Variants in CAPN13 observed in about 807,000 individuals in gnomAD.
CAPN13 encodes calpain-13.
Under a neutral mutation model 98.4 loss-of-function variants are expected in CAPN13, and 90 were observed. The observed-to-expected ratio is 0.92, with a 90% CI of 0.77 to 1.09. CAPN13 has a LOEUF of 1.09. Among genes scored for constraint, CAPN13 ranks in the 50% least tolerant of loss-of-function variants. The pLI is 0.00. For synonymous variants in CAPN13, 330 were observed against 305.5 expected (o/e 1.08, Z -0.84); for missense variants, 887 against 841.3 (o/e 1.05, Z -0.67).
At chr2:30,738,357 C>G (rs897202964) in intron 16 of CAPN13, 43 bp downstream of exon 16, 2 of 1,612,040 alleles carry the variant, frequency 1.2e-6, no homozygotes, top group Non-Finnish European at 1.7e-6. Context: ...GGGTTGCCAG[C>G]AGGGAGGAGG....
At chr2:30,792,381 C>A (rs374392501) in intron 1 of CAPN13, among the ~76,000 whole-genome samples, 2 of 152,082 alleles carry the variant, frequency 1.3e-5, no homozygotes, top group Non-Finnish European at 2.9e-5. Flanking sequence ...GGGGTTATCA[C>A]CACACATCCT....
Position 30,738,151 on chromosome 2 carries a change from C to T in CAPN13, c.1653+84G>A, listed in dbSNP as rs1671468323. On this transcript the variant is annotated intron_variant, in intron 17 of 22. Coordinates refer to ENST00000295055, the MANE Select transcript of CAPN13 (RefSeq NM_144575.3). ...GAAAATACTGAGTGGGAAAAGGGTT[C>T]CCTACTGTCCTAATTAGGTCTCTGG... The T allele has an allele frequency of 2.8e-6, 4 of 1,447,352 alleles. No homozygotes were observed. The South Asian group carries it at 3.5e-5, about 13-fold the overall frequency. The allele number at this position is 1,447,352 out of a possible 1,614,324, so 89.7% of individuals were successfully genotyped here.
At chr2:30,777,260 G>A (rs1387601144) in intron 3 of CAPN13, among the ~76,000 whole-genome samples, 1 of 152,232 alleles carries the variant, frequency 6.6e-6, no homozygotes, top group Non-Finnish European at 1.5e-5. Flanking sequence ...CTAACTGAGT[G>A]TGTGACATTA....
chr2:30,743,692 T>A, intron 12 of CAPN13, 113 bp from the exon 13 acceptor site: 1 of 902,718 alleles, frequency 1.1e-6, no homozygotes, highest in Non-Finnish European at 1.8e-6. Context: ...AAGATAACAT[T>A]ACAGGCTCTA....
At chr2:30,780,640 T>C (rs1301870589) in intron 2 of CAPN13, among the ~76,000 whole-genome samples, 1 of 152,214 alleles carries the variant, frequency 6.6e-6, no homozygotes, top group Non-Finnish European at 1.5e-5. Context: ...CACAAATCAA[T>C]AGTCAACTTC....
At chr2:30,768,694 C>CTTCCTTCCTTCCTTCCTTCCTTCT in intron 5 of CAPN13, among the ~76,000 whole-genome samples, 1 of 151,430 alleles carries the variant, frequency 6.6e-6, no homozygotes, top group African/African-American at 2.4e-5. Context: ...TCCTTCCTTC[C>CTTCCTTCCTTCCTTCCTTCCTTCT]TTCCTTCCTT....
chr2:30,771,841 G>C (rs1673427765), intron 4 of CAPN13, among the ~76,000 whole-genome samples: 1 of 152,240 alleles, frequency 6.6e-6, no homozygotes, highest in African/African-American at 2.4e-5. Context: ...GGCAGTAAGA[G>C]TAGGAACTGC....
At position 30,731,396 on chromosome 2, in the gene CAPN13, G is replaced by T. The variant is rs767261292; in HGVS notation, c.1931C>A (p.Thr644Asn). Residue 644 changes from threonine to asparagine, a missense_variant, in exon 21 of 23, where the codon ACC (threonine) becomes AAC (asparagine). Physicochemically the swap from Thr to Asn is moderately conservative, Grantham distance 65 (BLOSUM62 0). Transcript: ENST00000295055. ...TCCATCCTTAGAGAGGTTGCGGAAG[G>T]TCTCTAGGATAAAGAAGGGAAGGTT... The part of the protein sequence containing the change: ...FLMRLEAMAK[T>N]FRNLSKDGKG... The T allele has an allele frequency of 1.5e-5, 24 of 1,609,372 alleles. No homozygotes were observed. Among genetic ancestry groups the T allele is most frequent in the African/African-American group, 2.7e-5 (2 of 74,670 alleles).
chr2:30,779,227 G>T (rs1382581342), intron 2 of CAPN13, among the ~76,000 whole-genome samples: 1 of 152,244 alleles, frequency 6.6e-6, no homozygotes, highest in Non-Finnish European at 1.5e-5. Context: ...GCAGGAGAAG[G>T]TGTGCTTGGA....
rs534409977 is a variant in CAPN13 at position 30,731,437 on chromosome 2, G to A, written c.1928-38C>T. 4 of 1,582,184 alleles carry A rather than the reference G, an allele frequency of 2.5e-6. No homozygotes were observed. In the East Asian group the frequency reaches 9.1e-5, roughly 36 times the overall value. On this transcript the variant is annotated intron_variant, in intron 20 of 22. Coordinates refer to ENST00000295055, the MANE Select transcript of CAPN13 (RefSeq NM_144575.3). Reference sequence around the variant, plus strand: ...AGGGAAGGTTTTGACTGACTGAGGAGGAAGGAATCCAGGCAGTTCAGGGGA... The same window carrying A: ...AGGGAAGGTTTTGACTGACTGAGGAAGAAGGAATCCAGGCAGTTCAGGGGA...
At chr2:30,795,419 C>T (rs1475698162) in intron 1 of CAPN13, among the ~76,000 whole-genome samples, 1 of 152,090 alleles carries the variant, frequency 6.6e-6, no homozygotes, top group Non-Finnish European at 1.5e-5. Flanking sequence ...TCCTCACTAA[C>T]TCTTGGTATT....
chr2:30,800,707 G>A (rs1196232912), intron 1 of CAPN13, among the ~76,000 whole-genome samples: 1 of 152,140 alleles, frequency 6.6e-6, no homozygotes, highest in Non-Finnish European at 1.5e-5. Context: ...GGAACCCACA[G>A]AATGTATTAT....
chr2:30,800,116 A>AAAAAG (rs1675125911), intron 1 of CAPN13, among the ~76,000 whole-genome samples: 1 of 85,596 alleles, frequency 1.2e-5, no homozygotes, highest in Non-Finnish European at 2.3e-5. Flanking sequence ...GAAAAGAAAG[A>AAAAAG]AAAGAAAGAA....
intron 7 of CAPN13, among the ~76,000 whole-genome samples, chr2:30,759,964 T>C (rs1484930082): frequency 1.3e-5 from 2 of 152,200 alleles, no homozygotes; most frequent in African/African-American, 4.8e-5. Flanking sequence ...CCCCGCTCCC[T>C]GGCCAGTACC....
chr2:30,797,250 G>A (rs1052419040), intron 1 of CAPN13, among the ~76,000 whole-genome samples: 1 of 152,008 alleles, frequency 6.6e-6, no homozygotes, highest in Non-Finnish European at 1.5e-5. Flanking sequence ...ACCACCTCTG[G>A]CCCCACAACT....
chr2:30,782,211 C>A (rs1023597311), intron 2 of CAPN13, among the ~76,000 whole-genome samples: 1 of 152,140 alleles, frequency 6.6e-6, no homozygotes, highest in African/African-American at 2.4e-5. Flanking sequence ...TGACAGCACT[C>A]TTCATATTTC....
intron 22 of CAPN13, among the ~76,000 whole-genome samples, chr2:30,726,475 T>C (rs1308805963): frequency 6.6e-6 from 1 of 152,166 alleles, no homozygotes; most frequent in East Asian, 1.9e-4. Context: ...TTTGAATATA[T>C]AAAATTCTAA....
At chr2:30,765,235 T>G (rs6737485) in intron 5 of CAPN13, among the ~76,000 whole-genome samples, 89,558 of 151,594 alleles carry the variant, frequency 0.59, 26,908 homozygotes, top group South Asian at 0.64. Context: ...TGGGGTGAAT[T>G]GGAAGCGTTC....
chr2:30,775,516 T>C (rs1005109990), intron 4 of CAPN13, among the ~76,000 whole-genome samples: 4 of 152,106 alleles, frequency 2.6e-5, no homozygotes, highest in Non-Finnish European at 4.4e-5. Flanking sequence ...GAAGAATAAA[T>C]GTGCAAGAAT....
Sources: allele counts gnomAD v4.1 joint callset (sites outside exome capture counted in the v4.1 genomes callset), GRCh38; gene constraint gnomAD v4.1.1; transcripts MANE v1.5; gene names NCBI Gene and HGNC (gene_info 2026-07-23, HGNC 2026-07-21).